The following CCND2 variants were observed in gnomAD, a reference collection of about 807,000 sequenced individuals.
CCND2 encodes the protein G1/S-specific cyclin-D2.
Under a neutral mutation model 30.2 loss-of-function variants are expected in CCND2, and 6 were observed. The ratio of observed to expected loss-of-function variants is 0.20; its 90% CI spans 0.11 to 0.39. The LOEUF is 0.39. Among genes scored for constraint, CCND2 ranks in the 10% least tolerant of loss-of-function variants. CCND2 has a pLI of 1.00. For synonymous variants in CCND2, 150 were observed against 153.1 expected (o/e 0.98, Z 0.15); for missense variants, 235 against 373.4 (o/e 0.63, Z 3.06).
rs1406360190 is a variant in CCND2, at chr12:4,274,549, C to G, written c.195+314C>G. 6.6e-6 allele frequency among the ~76,000 whole-genome samples: 1 copy of G among 152,058 alleles called. No individual in the cohort carries two copies. Among genetic ancestry groups the G allele is most frequent in the Non-Finnish European group, 1.5e-5 (1 of 68,014 alleles). On this transcript the variant is annotated intron_variant, in intron 1 of 4. Coordinates refer to ENST00000261254, the MANE Select transcript of CCND2 (RefSeq NM_001759.4). The surrounding 1 kb of genome is among the most constrained non-coding windows in gnomAD (Gnocchi z 7.7). ...CACCCCCCTCGCGACCTGTCTTTTG[C>G]GAAGCCGCCGCGGCTGCTTGCGCTG...
intron 3 of CCND2, among the ~76,000 whole-genome samples, chr12:4,283,819 T>C (rs1281241969): frequency 6.6e-6 from 1 of 152,196 alleles, no homozygotes; most frequent in Non-Finnish European, 1.5e-5. Flanking sequence ...ATGTGCTGGG[T>C]TAGAGTTGCC....
intron 3 of CCND2, among the ~76,000 whole-genome samples, chr12:4,284,265 C>T (rs1475338133): frequency 4.6e-5 from 7 of 152,184 alleles, no homozygotes; most frequent in African/African-American, 7.2e-5. Context: ...AGCACTACAA[C>T]GTGGGTATTG....
rs773652105 is a variant in CCND2, at chr12:4,276,157, C to T, written c.348C>T (p.Ser116=). The stretch of plus-strand genomic sequence containing the variant: ...TGGCCTCCAAACTCAAAGAGACCAG[C>T]CCGCTGACCGCGGAGAAGCTGTGCA... ...MFLASKLKET[S]PLTAEKLCIY... is the part of the protein sequence containing the mutation. Residue 116 remains serine (S), a synonymous_variant, in exon 2 of 5, where the codon AGC becomes AGT. Coordinates refer to ENST00000261254, the MANE Select transcript of CCND2 (RefSeq NM_001759.4). The surrounding 1 kb of genome is among the most constrained non-coding windows in gnomAD (Gnocchi z 4.8). 6.2e-7 allele frequency: 1 copy of T among 1,614,264 alleles called. No homozygotes were observed. The highest frequency in any genetic ancestry group is 1.1e-5 in the South Asian group (1 of 91,084).
intron 4 of CCND2, among the ~76,000 whole-genome samples, chr12:4,296,519 C>T (rs1302457517): frequency 1.3e-5 from 2 of 152,256 alleles, no homozygotes. Flanking sequence ...TGTGCACACG[C>T]ACACACACGC....
In CCND2 at chr12:4,279,723, G is replaced by GT. The variant is rs74894572; in HGVS notation, c.571+815dup. On this transcript the variant is annotated intron_variant, in intron 3 of 4. Transcript: ENST00000261254. ...CTTGGCCAGTGTCTACTGGTTTTTT[G>GT]TTTTTTTTTTTCTTGGTAGTGGCCA... is the stretch of plus-strand genomic sequence containing the variant. Among the ~76,000 whole-genome samples, 88 of 144,484 alleles carry GT rather than the reference G, an allele frequency of 6.1e-4. 2 individuals are homozygous for GT. The highest frequency in any genetic ancestry group is 3.5e-3 in the Middle Eastern group (1 of 286). The allele number at this position is 144,484 out of a possible 152,430, so 94.8% of individuals were successfully genotyped here.
intron 3 of CCND2, among the ~76,000 whole-genome samples, chr12:4,279,957 C>T (rs1204612086): frequency 2.0e-5 from 3 of 151,386 alleles, no homozygotes; most frequent in South Asian, 4.3e-4. Context: ...GTGAGTTCTA[C>T]GGAACGGATG....
At chr12:4,289,494 C>G (rs1480215176) in intron 4 of CCND2, among the ~76,000 whole-genome samples, 1 of 152,198 alleles carries the variant, frequency 6.6e-6, no homozygotes, top group Non-Finnish European at 1.5e-5. Context: ...TCCCCGCTCT[C>G]TCTTCCCTTT....
In CCND2 at chr12:4,300,968, A is replaced by C. The variant is rs1371698796; in HGVS notation, c.*959A>C. The stretch of plus-strand genomic sequence containing the variant: ...GTTTAGCATTGTTATAAACCATTCC[A>C]TTCGAAAAGCACTTTGAAAAATTGT... On this transcript the variant is annotated 3_prime_UTR_variant, in exon 5 of 5. Coordinates refer to ENST00000261254, the MANE Select transcript of CCND2 (RefSeq NM_001759.4). The C allele has an allele frequency of 8.6e-6, 2 of 233,600 alleles. No homozygotes were observed. The highest frequency in any genetic ancestry group is 1.7e-5 in the Non-Finnish European group (2 of 118,060). 14.5% of individuals were successfully genotyped at this position (233,600 alleles called of 1,614,324 possible). A position where few individuals can be genotyped will look rare whatever the true frequency, so the allele number is the denominator to read the frequency against.
At position 4,301,896 on chromosome 12, in the gene CCND2, C is replaced by T; in HGVS notation, c.*1887C>T. The T allele has an allele frequency of 4.4e-6, 1 of 227,200 alleles. No individual in the cohort carries two copies. Among genetic ancestry groups the T allele is most frequent in the Non-Finnish European group, 8.6e-6 (1 of 116,272 alleles). The allele number at this position is 227,200 out of a possible 1,614,324, so 14.1% of individuals were successfully genotyped here. ...AAGCCCTTCCGTAGTTTGTTTTCTT[C>T]TGGTAGCATATTCATGGTTGTTTTT... On this transcript the variant is annotated 3_prime_UTR_variant, in exon 5 of 5. Transcript: ENST00000261254.
At chr12:4,279,870 C>T (rs1334157069) in intron 3 of CCND2, among the ~76,000 whole-genome samples, 2 of 151,362 alleles carry the variant, frequency 1.3e-5, no homozygotes, top group Non-Finnish European at 2.9e-5. Flanking sequence ...TGCTTCACCT[C>T]AAATTTGCCA....
At chr12:4,297,969 C>T (rs1026687898) in intron 4 of CCND2, 4 of 297,850 alleles carry the variant, frequency 1.3e-5, no homozygotes, top group African/African-American at 2.2e-5. Context: ...AGGATCTTGA[C>T]ACACGCTTCA....
chr12:4,289,375 G>A (rs1005289896), intron 4 of CCND2, among the ~76,000 whole-genome samples: 2 of 152,126 alleles, frequency 1.3e-5, no homozygotes, highest in Non-Finnish European at 2.9e-5. Context: ...GCTGTAAGGC[G>A]CACAGAGGAG....
At chr12:4,277,791 G>A (rs1863894307) in intron 2 of CCND2, among the ~76,000 whole-genome samples, 1 of 152,208 alleles carries the variant, frequency 6.6e-6, no homozygotes, top group African/African-American at 2.4e-5. Flanking sequence ...TGGGAGAGAG[G>A]GTGCATTGGC....
rs1283736129 is a variant in CCND2 at position 4,285,478 on chromosome 12, A to G, written c.572-3364A>G. On this transcript the variant is annotated intron_variant, in intron 3 of 4. Coordinates refer to ENST00000261254, the MANE Select transcript of CCND2 (RefSeq NM_001759.4). The surrounding 1 kb of genome is among the most constrained non-coding windows in gnomAD (Gnocchi z 4.1). Reference sequence around the variant, plus strand: ...AATAATATTACGTACAAATTTTACAAACTCATCTGTGTTTCTCCCACCTAA... The same window carrying G: ...AATAATATTACGTACAAATTTTACAGACTCATCTGTGTTTCTCCCACCTAA... The G allele has an allele frequency of 8.4e-6, 8 of 954,478 alleles. No individual in the cohort carries two copies. The highest frequency in any genetic ancestry group is 1.0e-5 in the Non-Finnish European group (8 of 801,778). 59.1% of individuals were successfully genotyped at this position (954,478 alleles called of 1,614,324 possible).
At chr12:4,280,369 C>T (rs1293960924) in intron 3 of CCND2, among the ~76,000 whole-genome samples, 3 of 152,246 alleles carry the variant, frequency 2.0e-5, no homozygotes, top group Admixed American at 6.5e-5. Flanking sequence ...GGAGTCCTCC[C>T]GGCCCCCTGC....
At chr12:4,295,319 G>A (rs1864153635) in intron 4 of CCND2, among the ~76,000 whole-genome samples, 1 of 152,240 alleles carries the variant, frequency 6.6e-6, no homozygotes, top group Non-Finnish European at 1.5e-5. Flanking sequence ...CGTGGAAGTG[G>A]AACCTGAAGG....
Position 4,287,547 on chromosome 12 carries a change from G to A in CCND2, c.572-1295G>A, listed in dbSNP as rs990330677. 6.6e-6 allele frequency among the ~76,000 whole-genome samples: 1 copy of A among 152,132 alleles called. No homozygotes were observed. On this transcript the variant is annotated intron_variant, in intron 3 of 4. Transcript: ENST00000261254. The surrounding 1 kb of genome is among the most constrained non-coding windows in gnomAD (Gnocchi z 4.0). ...CTAAAACGAGAAAGAGTACGCTTTG[G>A]AAGACTTGCTGCACTCCAGGACCGT...
chr12:4,285,484 T>C lies in CCND2; in HGVS notation c.572-3358T>C. On this transcript the variant is annotated intron_variant, in intron 3 of 4. Transcript: ENST00000261254. This position sits in a 1 kb window ranked among gnomAD's most constrained non-coding sequence, Gnocchi z 4.1. ...ATTACGTACAAATTTTACAAACTCATCTGTGTTTCTCCCACCTAACAGAAC... is the reference window on the plus strand; with the variant it reads ...ATTACGTACAAATTTTACAAACTCACCTGTGTTTCTCCCACCTAACAGAAC... 1 of 915,994 alleles carries C rather than the reference T, an allele frequency of 1.1e-6. No individual in the cohort carries two copies. Among genetic ancestry groups the C allele is most frequent in the Non-Finnish European group, 1.3e-6 (1 of 766,580 alleles). The allele number at this position is 915,994 out of a possible 1,614,324, so 56.7% of individuals were successfully genotyped here.
rs1337279327 is a variant in CCND2, at chr12:4,281,825, T to C, written c.571+2906T>C. ...CGGTCTTGCTTTATGGGGCTCTGGA[T>C]TAAGATGGTGGCAAGGCGGAGAGGA... On this transcript the variant is annotated intron_variant, in intron 3 of 4. Coordinates refer to ENST00000261254, the MANE Select transcript of CCND2 (RefSeq NM_001759.4). 2.6e-5 allele frequency among the ~76,000 whole-genome samples: 4 copies of C among 151,944 alleles called. No individual in the cohort carries two copies. The East Asian group carries it at 7.7e-4, about 29-fold the overall frequency.
Sources: allele counts gnomAD v4.1 joint callset (sites outside exome capture counted in the v4.1 genomes callset), GRCh38; gene constraint gnomAD v4.1.1; non-coding constraint Gnocchi (gnomAD v3.1); transcripts MANE v1.5; gene names NCBI Gene and HGNC (gene_info 2026-07-23, HGNC 2026-07-21).